Variants in VPS13D observed in about 807,000 individuals in gnomAD.
VPS13D encodes the protein intermembrane lipid transfer protein VPS13D.
Under a neutral mutation model 461.9 loss-of-function variants are expected in VPS13D, and 187 were observed. The ratio of observed to expected loss-of-function variants is 0.40; its 90% CI spans 0.36 to 0.46. The LOEUF (loss-of-function observed/expected upper bound fraction) is 0.46, where lower values mean the gene tolerates loss of function less well. Ranked by LOEUF, VPS13D falls within the 20% of genes least tolerant of loss-of-function variation. The probability of loss-of-function intolerance (pLI) is 0.60; values close to 1 mark genes in which losing one functional copy is unlikely to be tolerated. For synonymous variants in VPS13D, 1,951 were observed against 1,986.3 expected, an observed-to-expected ratio of 0.98 and a Z score of 0.47; for missense variants, 4,711 against 5,364.9, an observed-to-expected ratio of 0.88 and a Z score of 3.81.
At chr1:12,421,938 C>T (rs1044488831) in intron 65 of VPS13D, among the ~76,000 whole-genome samples, 1 of 152,212 alleles carries the variant, frequency 6.6e-6, no homozygotes, top group Non-Finnish European at 1.5e-5. Flanking sequence ...CCTCCCACCT[C>T]AGCCTCCAGA....
intron 47 of VPS13D, 45 bp from the exon 48 acceptor site, chr1:12,355,854 C>A: frequency 6.9e-7 from 1 of 1,452,814 alleles, no homozygotes; most frequent in South Asian, 1.5e-5. Context: ...GCTATTTTGA[C>A]AAATAGTGAG....
intron 39 of VPS13D, 95 bp downstream of exon 39, chr1:12,335,922 G>T (rs1385652819): frequency 6.4e-7 from 1 of 1,558,916 alleles, no homozygotes; most frequent in South Asian, 1.2e-5. Flanking sequence ...CATTCTGCGT[G>T]GAAAAACCTA....
chr1:12,328,732 G>T (rs1643255909), intron 36 of VPS13D, among the ~76,000 whole-genome samples: 1 of 152,106 alleles, frequency 6.6e-6, no homozygotes, highest in Admixed American at 6.6e-5. Flanking sequence ...TAGAGACAGG[G>T]TTTCTCCATG....
In VPS13D at chr1:12,291,019, G is replaced by A; in HGVS notation, c.5747G>A (p.Gly1916Asp). The change falls in exon 23 of 70, where the codon GGC becomes GAC. Residue 1916 changes from glycine (G) to aspartate (D), a missense_variant. By Grantham distance (94) the Gly-to-Asp change is moderately conservative (BLOSUM62 -1). Transcript: ENST00000620676. ...EMIEGDLALQ[G>D]SIGSLSLSDL... The stretch of plus-strand genomic sequence containing the variant: ...CTAGAGGGAGACCTGGCCTTACAGG[G>A]CAGCATTGGGAGTCTGTCTCTAAGT... 1.9e-6 allele frequency: 3 copies of A among 1,613,260 alleles called. No homozygotes were observed. The highest frequency in any genetic ancestry group is 2.5e-6 in the Non-Finnish European group (3 of 1,179,742).
intron 30 of VPS13D, among the ~76,000 whole-genome samples, chr1:12,316,175 G>T (rs1248777830): frequency 6.6e-6 from 1 of 152,128 alleles, no homozygotes; most frequent in Admixed American, 6.5e-5. Flanking sequence ...AGACTGTCAG[G>T]TAGTTGTCTC....
intron 35 of VPS13D, among the ~76,000 whole-genome samples, chr1:12,325,706 A>G (rs911043044): frequency 6.6e-6 from 1 of 152,196 alleles, no homozygotes; most frequent in Non-Finnish European, 1.5e-5. Flanking sequence ...TAATTCTGTT[A>G]TGATATACTT....
chr1:12,478,709 CT>C (rs547674517), intron 67 of VPS13D: 234 of 447,302 alleles, frequency 5.2e-4, no homozygotes, highest in Admixed American at 1.6e-3. Flanking sequence ...ATGTTTCTCT[CT>C]GGAGAAGCAA....
intron 67 of VPS13D, among the ~76,000 whole-genome samples, chr1:12,477,794 AT>A (rs920879632): frequency 2.7e-4 from 41 of 151,266 alleles, no homozygotes; most frequent in East Asian, 9.7e-4. Flanking sequence ...CGAAAAATAA[AT>A]TTTTTTTTTC....
At chr1:12,271,198 AC>A in intron 17 of VPS13D, 74 bp downstream of exon 17, 3 of 1,583,366 alleles carry the variant, frequency 1.9e-6, no homozygotes, top group Non-Finnish European at 2.6e-6. Flanking sequence ...GTCACTACTT[AC>A]TGTAGATAGG....
intron 58 of VPS13D, 55 bp downstream of exon 58, chr1:12,383,210 T>C (rs1644306054): frequency 6.6e-7 from 1 of 1,510,676 alleles, no homozygotes. Context: ...CCACCCCCAA[T>C]GATTACTCAT....
intron 54 of VPS13D, among the ~76,000 whole-genome samples, chr1:12,373,411 G>A (rs964385966): frequency 4.6e-5 from 7 of 151,710 alleles, no homozygotes; most frequent in Non-Finnish European, 7.4e-5. Context: ...AGGAGCCACC[G>A]TGCCTGGCCA....
chr1:12,312,657 C>T (rs985860292), intron 29 of VPS13D, among the ~76,000 whole-genome samples: 106 of 152,198 alleles, frequency 7.0e-4, no homozygotes, highest in African/African-American at 2.4e-3. Flanking sequence ...CTACTCAAGG[C>T]GTTAAGGTGA....
chr1:12,504,620 G>C (rs1646080053), intron 68 of VPS13D, among the ~76,000 whole-genome samples: 1 of 152,182 alleles, frequency 6.6e-6, no homozygotes, highest in Non-Finnish European at 1.5e-5. Context: ...CAACGGACTC[G>C]GCCAGAGTCA....
chr1:12,262,177 T>C, intron 13 of VPS13D, 97 bp downstream of exon 13: 2 of 1,377,312 alleles, frequency 1.5e-6, no homozygotes, highest in Non-Finnish European at 2.0e-6. Context: ...GTCTAGAAAG[T>C]CAGTGCGAAA....
At chr1:12,292,420 G>A (rs1642160518) in intron 23 of VPS13D, among the ~76,000 whole-genome samples, 3 of 148,944 alleles carry the variant, frequency 2.0e-5, no homozygotes, top group Non-Finnish European at 3.0e-5. Flanking sequence ...ATTGGTCTAG[G>A]GCCATGCTCA....
intron 65 of VPS13D, among the ~76,000 whole-genome samples, chr1:12,449,709 A>G (rs1290257462): frequency 6.6e-6 from 1 of 152,248 alleles, no homozygotes; most frequent in Non-Finnish European, 1.5e-5. Context: ...GTAGTATACC[A>G]GCAGAGTTGA....
chr1:12,298,486 A>G (rs572474970), intron 24 of VPS13D, among the ~76,000 whole-genome samples: 2 of 152,256 alleles, frequency 1.3e-5, no homozygotes, highest in South Asian at 4.1e-4. Context: ...CTAAAAATAC[A>G]AAAAATAGCT....
At chr1:12,304,430 T>C (rs1348175906) in intron 25 of VPS13D, 76 bp from the exon 26 acceptor site, 10 of 1,352,868 alleles carry the variant, frequency 7.4e-6, no homozygotes, top group Non-Finnish European at 1.0e-5. Flanking sequence ...TTTGGAGATA[T>C]TAAAGATAGA....
chr1:12,246,774 G>T (rs1295221605), intron 5 of VPS13D, among the ~76,000 whole-genome samples: 1 of 152,170 alleles, frequency 6.6e-6, no homozygotes, highest in Admixed American at 6.5e-5. Context: ...GCCTCGGGCT[G>T]CCAGAAGCCA....
Sources: allele counts gnomAD v4.1 joint callset (sites outside exome capture counted in the v4.1 genomes callset), GRCh38; gene constraint gnomAD v4.1.1; transcripts MANE v1.5; gene names NCBI Gene and HGNC (gene_info 2026-07-23, HGNC 2026-07-21).